Variants in EPB41L4B observed in about 807,000 individuals in gnomAD.
EPB41L4B encodes the protein band 4.1-like protein 4B.
In EPB41L4B, 30 loss-of-function variants were observed where a neutral mutation model predicts 112.5. That is an observed-to-expected ratio of 0.27 (90% CI 0.20 to 0.36). The LOEUF is 0.36. EPB41L4B is among the 10% of genes least tolerant of loss of function. The pLI is 1.00. For synonymous variants in EPB41L4B, 408 were observed against 439.7 expected (o/e 0.93, Z 0.90); for missense variants, 1,024 against 1,133.3 (o/e 0.90, Z 1.38).
chr9:109,191,627 A>G (rs1832464392), intron 22 of EPB41L4B, among the ~76,000 whole-genome samples: 1 of 152,210 alleles, frequency 6.6e-6, no homozygotes, highest in African/African-American at 2.4e-5. Flanking sequence ...AAGACCATTT[A>G]AATCTATAAG....
intron 1 of EPB41L4B, among the ~76,000 whole-genome samples, chr9:109,313,093 A>G (rs1053588919): frequency 6.6e-6 from 1 of 152,064 alleles, no homozygotes; most frequent in African/African-American, 2.4e-5. Context: ...AAAGAAAAAA[A>G]AACCTTCTCC....
chr9:109,202,921 C>T lies in EPB41L4B; in HGVS notation c.1946+742G>A, dbSNP rs555606298. Among the ~76,000 whole-genome samples, 12 of 151,906 alleles carry T rather than the reference C, an allele frequency of 7.9e-5. No homozygotes were observed. The East Asian group carries it at 1.7e-3, about 22-fold the overall frequency. Reference sequence around the variant, plus strand: ...CTGTAATCTCAGCACTTTGGGAGGCCGGGGTGGGTGGATCACTTAAGTCAG... The same window carrying T: ...CTGTAATCTCAGCACTTTGGGAGGCTGGGGTGGGTGGATCACTTAAGTCAG... On this transcript the variant is annotated intron_variant, in intron 19 of 25. Transcript: ENST00000374566.
intron 22 of EPB41L4B, among the ~76,000 whole-genome samples, chr9:109,190,433 C>G (rs1832421363): frequency 6.6e-6 from 1 of 152,228 alleles, no homozygotes; most frequent in Admixed American, 6.5e-5. Context: ...GCAAAGGGCA[C>G]AGGGCTGGTG....
intron 15 of EPB41L4B, among the ~76,000 whole-genome samples, chr9:109,223,553 G>C (rs1833664474): frequency 6.6e-6 from 1 of 152,108 alleles, no homozygotes; most frequent in Admixed American, 6.5e-5. Flanking sequence ...AGTGATCAAT[G>C]CCCCAAAAAG....
intron 1 of EPB41L4B, among the ~76,000 whole-genome samples, chr9:109,308,929 A>T (rs78638550): frequency 0.074 from 11,273 of 152,004 alleles, 588 homozygotes; most frequent in Middle Eastern, 0.17. Flanking sequence ...AATACAAAAA[A>T]TTAGCGCGTG....
At chr9:109,290,034 C>T (rs529858248) in intron 1 of EPB41L4B, among the ~76,000 whole-genome samples, 91 of 152,296 alleles carry the variant, frequency 6.0e-4, no homozygotes, top group Non-Finnish European at 1.1e-3. Flanking sequence ...TCGACAGTAC[C>T]TAACGGCACC....
At chr9:109,297,446 C>T (rs1212875292) in intron 1 of EPB41L4B, among the ~76,000 whole-genome samples, 2 of 152,244 alleles carry the variant, frequency 1.3e-5, no homozygotes, top group East Asian at 3.8e-4. Context: ...ATGACCCCAA[C>T]AAAGCCCCTT....
At chr9:109,306,127 T>A (rs1280878943) in intron 1 of EPB41L4B, among the ~76,000 whole-genome samples, 2 of 152,070 alleles carry the variant, frequency 1.3e-5, no homozygotes, top group Non-Finnish European at 2.9e-5. Flanking sequence ...GGGGCCAAAA[T>A]CTTACTGGTG....
intron 1 of EPB41L4B, among the ~76,000 whole-genome samples, chr9:109,297,222 A>G (rs1444304278): frequency 6.6e-6 from 1 of 151,970 alleles, no homozygotes; most frequent in Non-Finnish European, 1.5e-5. Flanking sequence ...TCTGCCAGCC[A>G]AGGAGAGAGG....
intron 15 of EPB41L4B, among the ~76,000 whole-genome samples, chr9:109,239,181 A>T (rs1834264255): frequency 6.6e-6 from 1 of 152,230 alleles, no homozygotes; most frequent in African/African-American, 2.4e-5. Flanking sequence ...AGAAGAGAGA[A>T]GAAAGCCCAA....
chr9:109,318,656 A>C (rs900013868), intron 1 of EPB41L4B, among the ~76,000 whole-genome samples: 1 of 151,998 alleles, frequency 6.6e-6, no homozygotes, highest in Admixed American at 6.6e-5. Flanking sequence ...CCGGCTCCTC[A>C]GGCCTCCTCT....
intron 1 of EPB41L4B, among the ~76,000 whole-genome samples, chr9:109,313,086 GA>G (rs371643603): frequency 3.3e-5 from 5 of 150,660 alleles, no homozygotes; most frequent in South Asian, 2.1e-4. Flanking sequence ...ACCAAAAAAA[GA>G]AAAAAAAACC....
chr9:109,209,633 C>A (rs1371469802), intron 17 of EPB41L4B, among the ~76,000 whole-genome samples: 5 of 137,752 alleles, frequency 3.6e-5, no homozygotes, highest in East Asian at 2.2e-4. Flanking sequence ...GGCAACAGAG[C>A]AAAACCCTGT....
At position 109,253,526 on chromosome 9, in the gene EPB41L4B, T is replaced by C; in HGVS notation, c.1194A>G (p.Thr398=). The change falls in exon 12 of 26, where the codon ACA becomes ACG. Residue 398 remains threonine (T), a synonymous_variant. Transcript: ENST00000374566. ...TGGTTCTTCGTAACCTGGAGCCATG[T>C]GTAGCTTGATATTCTGTCCGCCCAC... ...RFSGRTEYQA[T]HGSRLRRTST... 1.9e-6 allele frequency: 3 copies of C among 1,613,520 alleles called. No individual in the cohort carries two copies. The highest frequency in any genetic ancestry group is 1.1e-5 in the South Asian group (1 of 91,046).
chr9:109,241,579 C>T, intron 15 of EPB41L4B: 2 of 1,586,848 alleles, frequency 1.3e-6, no homozygotes, highest in Non-Finnish European at 8.6e-7. Flanking sequence ...CGTCCAAACA[C>T]ATCCATCCAT....
chr9:109,197,829 A>C (rs1434972724), intron 20 of EPB41L4B, among the ~76,000 whole-genome samples: 2 of 151,578 alleles, frequency 1.3e-5, no homozygotes, highest in South Asian at 2.1e-4. Flanking sequence ...CAAAAAAAAA[A>C]AAAAACAAAA....
intron 4 of EPB41L4B, 58 bp from the exon 5 acceptor site, chr9:109,265,082 C>T (rs897940521): frequency 1.4e-6 from 2 of 1,464,974 alleles, no homozygotes; most frequent in African/African-American, 1.4e-5. Context: ...GCTCCCAATC[C>T]CCAGCTTCCC....
intron 20 of EPB41L4B, among the ~76,000 whole-genome samples, chr9:109,196,817 C>T (rs970289801): frequency 2.6e-5 from 4 of 152,064 alleles, no homozygotes; most frequent in African/African-American, 9.7e-5. Flanking sequence ...CCACATTTTC[C>T]CTCCTTGTCA....
intron 2 of EPB41L4B, among the ~76,000 whole-genome samples, chr9:109,273,123 A>C (rs1403964363): frequency 1.3e-5 from 2 of 152,192 alleles, no homozygotes; most frequent in Non-Finnish European, 2.9e-5. Flanking sequence ...GAATCATCTA[A>C]ATCAGTGGTA....
Sources: allele counts gnomAD v4.1 joint callset (sites outside exome capture counted in the v4.1 genomes callset), GRCh38; gene constraint gnomAD v4.1.1; transcripts MANE v1.5; gene names NCBI Gene and HGNC (gene_info 2026-07-23, HGNC 2026-07-21).